The following SPIRE1 variants were observed in gnomAD, a reference collection of about 807,000 sequenced individuals.
SPIRE1 encodes the protein spire type actin nucleation factor 1, also known as protein spire homolog 1.
SPIRE1 carries 40 observed loss-of-function variants against 94.1 expected under a neutral mutation model. That is an observed-to-expected ratio of 0.43 (90% CI 0.33 to 0.55). SPIRE1 has a LOEUF of 0.55. Among genes scored for constraint, SPIRE1 ranks in the 20% least tolerant of loss-of-function variants. The pLI, the probability that SPIRE1 is intolerant of heterozygous loss-of-function variation, is 0.06. For synonymous variants in SPIRE1, 376 were observed against 371.7 expected, an observed-to-expected ratio of 1.01 and a Z score of -0.13; for missense variants, 838 against 975.2, an observed-to-expected ratio of 0.86 and a Z score of 1.87.
Position 12,559,430 on chromosome 18 carries a change from G to A in SPIRE1, c.373-12526C>T, listed in dbSNP as rs1481891781. 5.3e-5 allele frequency among the ~76,000 whole-genome samples: 8 copies of A among 152,092 alleles called. No homozygotes were observed. The highest frequency in any genetic ancestry group is 2.4e-5 in the African/African-American group (1 of 41,410). ...CCACCCGGAACTCGTGCTGGCCTGC[G>A]AACACCACGCGCAGCCCTGGTTGCC... On this transcript the variant is annotated intron_variant, in intron 2 of 16. Coordinates refer to ENST00000409402, the MANE Select transcript of SPIRE1 (RefSeq NM_001128626.2). The surrounding 1 kb of genome is among the most constrained non-coding windows in gnomAD (Gnocchi z 4.7).
intron 2 of SPIRE1, among the ~76,000 whole-genome samples, chr18:12,612,146 A>ATGT (rs2037161295): frequency 6.6e-6 from 1 of 152,054 alleles, no homozygotes; most frequent in Non-Finnish European, 1.5e-5. Context: ...AATAACCACT[A>ATGT]TGTTGTCAAA....
At chr18:12,539,587 G>GCACA (rs57030414) in intron 3 of SPIRE1, among the ~76,000 whole-genome samples, 2,737 of 139,074 alleles carry the variant, frequency 0.02, 86 homozygotes, top group African/African-American at 0.063. Context: ...ACACACACAC[G>GCACA]CACACACACA....
chr18:12,548,921 T>C (rs2035254699), intron 2 of SPIRE1, among the ~76,000 whole-genome samples: 1 of 152,214 alleles, frequency 6.6e-6, no homozygotes, highest in Non-Finnish European at 1.5e-5. Context: ...TATTTTCTAT[T>C]ATAAAAATGA....
chr18:12,477,464 C>T (rs2032649723), intron 10 of SPIRE1, among the ~76,000 whole-genome samples: 1 of 152,160 alleles, frequency 6.6e-6, no homozygotes, highest in African/African-American at 2.4e-5. Context: ...AAATGTAAAT[C>T]ACTGTTCTTA....
intron 1 of SPIRE1, among the ~76,000 whole-genome samples, chr18:12,645,970 A>C (rs1598579999): frequency 6.6e-6 from 1 of 152,294 alleles, no homozygotes; most frequent in East Asian, 1.9e-4. Context: ...TGCCAACTCC[A>C]AATAATTAGT....
intron 2 of SPIRE1, among the ~76,000 whole-genome samples, chr18:12,627,908 T>C (rs1402580231): frequency 7.6e-6 from 1 of 132,178 alleles, no homozygotes; most frequent in East Asian, 2.7e-4. Flanking sequence ...GGGGTTGTTT[T>C]TTTCTTGTAA....
chr18:12,547,257 T>C (rs1331620406), intron 2 of SPIRE1, among the ~76,000 whole-genome samples: 2 of 152,180 alleles, frequency 1.3e-5, no homozygotes, highest in African/African-American at 4.8e-5. Context: ...CGGGTAGCAA[T>C]TAACTCAAGC....
intron 2 of SPIRE1, among the ~76,000 whole-genome samples, chr18:12,570,880 A>G (rs952505284): frequency 1.3e-5 from 2 of 152,214 alleles, no homozygotes; most frequent in South Asian, 4.1e-4. Context: ...TTCAGTATTC[A>G]GATTTCTGGT....
chr18:12,466,529 C>T (rs1568187670), intron 10 of SPIRE1, among the ~76,000 whole-genome samples: 1 of 152,140 alleles, frequency 6.6e-6, no homozygotes, highest in Non-Finnish European at 1.5e-5. Context: ...ATCTGCCTGC[C>T]TCAGCCTCCC....
chr18:12,463,066 T>A (rs1036420127), intron 12 of SPIRE1, among the ~76,000 whole-genome samples: 2 of 151,996 alleles, frequency 1.3e-5, no homozygotes. Context: ...CCTGGCTAAT[T>A]ATTATTATTT....
intron 2 of SPIRE1, among the ~76,000 whole-genome samples, chr18:12,593,423 T>G (rs2036587148): frequency 6.6e-6 from 1 of 152,220 alleles, no homozygotes; most frequent in Admixed American, 6.5e-5. Context: ...ACTTTACAAA[T>G]AAAAGTTGCT....
chr18:12,622,361 GA>G (rs1200185166), intron 2 of SPIRE1, among the ~76,000 whole-genome samples: 1 of 147,338 alleles, frequency 6.8e-6, no homozygotes, highest in Non-Finnish European at 1.5e-5. Flanking sequence ...CACAGGAATA[GA>G]AAAAAATTTC....
chr18:12,462,446 C>T (rs1358940077), intron 12 of SPIRE1, among the ~76,000 whole-genome samples: 7 of 152,144 alleles, frequency 4.6e-5, no homozygotes, highest in African/African-American at 2.4e-5. Context: ...AGCCAAGTGG[C>T]GCTACAAAAG....
chr18:12,645,236 C>G (rs915994624), intron 1 of SPIRE1, among the ~76,000 whole-genome samples: 1 of 152,200 alleles, frequency 6.6e-6, no homozygotes, highest in African/African-American at 2.4e-5. Flanking sequence ...TCTTAGTTCT[C>G]TCCATGTTAT....
At chr18:12,535,966 A>G (rs2144205348) in intron 3 of SPIRE1, among the ~76,000 whole-genome samples, 1 of 152,216 alleles carries the variant, frequency 6.6e-6, no homozygotes. Flanking sequence ...AAATAACAAT[A>G]AAAACCAAAA....
chr18:12,514,298 C>T (rs1480132873), intron 4 of SPIRE1, among the ~76,000 whole-genome samples: 7 of 152,266 alleles, frequency 4.6e-5, no homozygotes, highest in Non-Finnish European at 1.0e-4. Context: ...TCTATCTTGA[C>T]CAAATTCCAA....
At chr18:12,601,188 C>T (rs11080587) in intron 2 of SPIRE1, among the ~76,000 whole-genome samples, 8 of 151,498 alleles carry the variant, frequency 5.3e-5, no homozygotes, top group East Asian at 2.0e-4. Context: ...TGGGAGGCCG[C>T]GGCAGGCAGA....
chr18:12,541,976 G>C (rs2035027071), intron 3 of SPIRE1, among the ~76,000 whole-genome samples: 1 of 150,640 alleles, frequency 6.6e-6, no homozygotes, highest in South Asian at 2.1e-4. Flanking sequence ...TTATTAATGA[G>C]GCTTTTTTTT....
intron 4 of SPIRE1, among the ~76,000 whole-genome samples, chr18:12,514,669 T>C (rs886103585): frequency 3.3e-5 from 5 of 152,190 alleles, no homozygotes; most frequent in Admixed American, 3.3e-4. Flanking sequence ...GAGAAAAATC[T>C]ATGTTCTCCT....
Sources: allele counts gnomAD v4.1 joint callset (sites outside exome capture counted in the v4.1 genomes callset), GRCh38; gene constraint gnomAD v4.1.1; non-coding constraint Gnocchi (gnomAD v3.1); transcripts MANE v1.5; gene names NCBI Gene and HGNC (gene_info 2026-07-23, HGNC 2026-07-21).